Variants in RIT2 observed in about 807,000 individuals in gnomAD.
RIT2 encodes the protein GTP-binding protein Rit2.
In RIT2, 24 loss-of-function variants were observed where a neutral mutation model predicts 23.7. The ratio of observed to expected loss-of-function variants is 1.01; its 90% CI spans 0.73 to 1.43. The LOEUF is 1.43. RIT2 is among the 40% of genes most tolerant of loss of function. The pLI is 0.00. For synonymous variants in RIT2, 107 were observed against 91.1 expected, an observed-to-expected ratio of 1.17 and a Z score of -0.99; for missense variants, 236 against 266.9, an observed-to-expected ratio of 0.88 and a Z score of 0.81.
chr18:42,811,847 T>C (rs1056311335), intron 4 of RIT2, among the ~76,000 whole-genome samples: 1 of 152,020 alleles, frequency 6.6e-6, no homozygotes, highest in African/African-American at 2.4e-5. Context: ...TGAGCAAATA[T>C]CATGAAAACT....
At chr18:43,083,393 T>C (rs755980598) in intron 1 of RIT2, among the ~76,000 whole-genome samples, 2 of 152,134 alleles carry the variant, frequency 1.3e-5, no homozygotes, top group Non-Finnish European at 2.9e-5. Flanking sequence ...AACTTTCATA[T>C]GGAACCAAAA....
At chr18:42,916,793 C>T (rs1205699646) in intron 4 of RIT2, among the ~76,000 whole-genome samples, 1 of 152,056 alleles carries the variant, frequency 6.6e-6, no homozygotes, top group East Asian at 1.9e-4. Flanking sequence ...TATTATCATC[C>T]TATTTTACAG....
chr18:43,026,910 T>G (rs940513690), intron 2 of RIT2, among the ~76,000 whole-genome samples: 2 of 151,894 alleles, frequency 1.3e-5, no homozygotes, highest in African/African-American at 4.8e-5. Flanking sequence ...AGAGAGACAA[T>G]AAGAAGACCA....
At chr18:42,901,083 T>C (rs1908463791) in intron 4 of RIT2, among the ~76,000 whole-genome samples, 1 of 152,206 alleles carries the variant, frequency 6.6e-6, no homozygotes, top group East Asian at 1.9e-4. Context: ...ATTGAATTAG[T>C]ACTTTTCTGT....
chr18:42,839,355 T>C (rs1906701965), intron 4 of RIT2, among the ~76,000 whole-genome samples: 2 of 152,172 alleles, frequency 1.3e-5, no homozygotes, highest in African/African-American at 4.8e-5. Context: ...TGGACTTTGC[T>C]GAAATGAGAG....
chr18:43,013,800 A>T (rs1293239012), intron 2 of RIT2, among the ~76,000 whole-genome samples: 2 of 151,736 alleles, frequency 1.3e-5, no homozygotes, highest in Non-Finnish European at 2.9e-5. Flanking sequence ...TAAAGACAAA[A>T]GGAAAACTGA....
chr18:43,061,651 G>T (rs147339268), intron 1 of RIT2, among the ~76,000 whole-genome samples: 1 of 151,940 alleles, frequency 6.6e-6, no homozygotes, highest in African/African-American at 2.4e-5. Flanking sequence ...CCAATTGAAC[G>T]GTGCTTTTTC....
chr18:42,928,731 T>G (rs532795657), intron 3 of RIT2, among the ~76,000 whole-genome samples: 1 of 152,108 alleles, frequency 6.6e-6, no homozygotes, highest in East Asian at 1.9e-4. Flanking sequence ...TGCCTTAAAC[T>G]GGTTATGTCA....
intron 4 of RIT2, among the ~76,000 whole-genome samples, chr18:42,843,559 T>C (rs1377919575): frequency 1.3e-5 from 2 of 152,288 alleles, no homozygotes; most frequent in African/African-American, 4.8e-5. Flanking sequence ...AAAGCTGAAG[T>C]AGGAGATTTT....
chr18:43,059,432 G>A (rs1440519222), intron 1 of RIT2, among the ~76,000 whole-genome samples: 1 of 152,090 alleles, frequency 6.6e-6, no homozygotes, highest in African/African-American at 2.4e-5. Context: ...GTCCAAGCTT[G>A]AGCGATATCA....
At chr18:42,929,034 G>GATAGATATATATATATATAT (rs1555647354) in intron 3 of RIT2, among the ~76,000 whole-genome samples, 3 of 96,956 alleles carry the variant, frequency 3.1e-5, no homozygotes, top group African/African-American at 7.9e-5. Flanking sequence ...AAAATATGGA[G>GATAGATATATATATATATAT]ATATATATAT....
At chr18:42,948,969 A>G (rs1375576147) in intron 3 of RIT2, 4 of 397,462 alleles carry the variant, frequency 1.0e-5, no homozygotes, top group Non-Finnish European at 1.8e-5. Context: ...TTAAAGCTTC[A>G]TTGGTTTTTC....
intron 2 of RIT2, among the ~76,000 whole-genome samples, chr18:42,999,350 T>C (rs866191317): frequency 1.4e-4 from 22 of 152,052 alleles, no homozygotes; most frequent in Non-Finnish European, 1.5e-4. Flanking sequence ...ACAGATTGCA[T>C]AGAGTACAAT....
intron 4 of RIT2, among the ~76,000 whole-genome samples, chr18:42,803,685 T>C (rs1905601352): frequency 6.6e-6 from 1 of 152,214 alleles, no homozygotes; most frequent in Non-Finnish European, 1.5e-5. Flanking sequence ...TATGGGGCAA[T>C]TAATACATGC....
At chr18:42,984,097 A>G (rs1910655185) in intron 2 of RIT2, among the ~76,000 whole-genome samples, 1 of 152,124 alleles carries the variant, frequency 6.6e-6, no homozygotes, top group Non-Finnish European at 1.5e-5. Flanking sequence ...AAAGAAAGTA[A>G]TGTTTTCAAG....
At chr18:42,973,972 C>G in intron 3 of RIT2, 102 bp downstream of exon 3, 1 of 693,832 alleles carries the variant, frequency 1.4e-6, no homozygotes, top group South Asian at 2.0e-5. Flanking sequence ...ATTTGTTCTT[C>G]TTCTGCTTGA....
intron 1 of RIT2, among the ~76,000 whole-genome samples, chr18:43,034,628 T>C (rs1047699328): frequency 8.5e-4 from 130 of 152,292 alleles, no homozygotes; most frequent in African/African-American, 3.0e-3. Flanking sequence ...CATGTGTGTT[T>C]GTTAACAGAC....
At chr18:42,847,174 G>A (rs1172187057) in intron 4 of RIT2, among the ~76,000 whole-genome samples, 1 of 152,122 alleles carries the variant, frequency 6.6e-6, no homozygotes, top group Non-Finnish European at 1.5e-5. Context: ...AACCTGAACT[G>A]AAGCATACAC....
intron 1 of RIT2, among the ~76,000 whole-genome samples, chr18:43,081,031 A>G (rs1280308432): frequency 6.6e-6 from 1 of 152,178 alleles, no homozygotes; most frequent in Non-Finnish European, 1.5e-5. Context: ...TTCCTTTTAA[A>G]CAATGATCCT....
Sources: allele counts gnomAD v4.1 joint callset (sites outside exome capture counted in the v4.1 genomes callset), GRCh38; gene constraint gnomAD v4.1.1; transcripts MANE v1.5; gene names NCBI Gene and HGNC (gene_info 2026-07-23, HGNC 2026-07-21).